NCKAP1L: variants seen among roughly 807,000 people sequenced by gnomAD.
NCKAP1L encodes the protein NCK associated protein 1 like, also known as nck-associated protein 1-like.
In NCKAP1L, 53 loss-of-function variants were observed where a neutral mutation model predicts 139.2. That is an observed-to-expected ratio of 0.38 (90% CI 0.31 to 0.48). The LOEUF (loss-of-function observed/expected upper bound fraction) is 0.48, where lower values mean the gene tolerates loss of function less well. NCKAP1L is among the 20% of genes least tolerant of loss of function. NCKAP1L has a pLI of 0.98. For synonymous variants in NCKAP1L, 468 were observed against 499.7 expected (o/e 0.94, Z 0.85); for missense variants, 1,151 against 1,381.9 (o/e 0.83, Z 2.65).
In NCKAP1L at chr12:54,499,335, T is replaced by C. The variant is rs939057142; in HGVS notation, c.103-20T>C. The stretch of plus-strand genomic sequence containing the variant: ...AGGAGGAGGAGAAAGGGTTGAAATA[T>C]ATATGGTTTCTCTCTGCAGACTTGT... On this transcript the variant is annotated intron_variant, in intron 1 of 30. Coordinates refer to ENST00000293373, the MANE Select transcript of NCKAP1L (RefSeq NM_005337.5). The C allele has an allele frequency of 2.3e-6, 3 of 1,307,724 alleles. No individual in the cohort carries two copies. The highest frequency in any genetic ancestry group is 3.3e-6 in the Non-Finnish European group (3 of 901,180). The allele number at this position is 1,307,724 out of a possible 1,614,324, so 81.0% of individuals were successfully genotyped here.
chr12:54,520,864 G>T, intron 17 of NCKAP1L, 38 bp downstream of exon 17: 1 of 1,613,292 alleles, frequency 6.2e-7, no homozygotes, highest in Non-Finnish European at 8.5e-7. Context: ...CATCTTTCTA[G>T]TCATCATCCT....
At chr12:54,518,023 A>C in intron 13 of NCKAP1L, 85 bp downstream of exon 13, 7 of 1,524,576 alleles carry the variant, frequency 4.6e-6, no homozygotes, top group African/African-American at 2.7e-5. Context: ...GCTGAATCTC[A>C]TGCTCTGTAA....
In NCKAP1L at chr12:54,523,794, A is replaced by G. The variant is rs1193100024; in HGVS notation, c.2025-31A>G. On this transcript the variant is annotated intron_variant, in intron 19 of 30. Coordinates refer to ENST00000293373, the MANE Select transcript of NCKAP1L (RefSeq NM_005337.5). ...CCTAGACATTAGCAGGCAGTGCCAG[A>G]CCTGTAATCCAGGCTCATTTTCCTT... is the stretch of plus-strand genomic sequence containing the variant. The G allele has an allele frequency of 1.9e-6, 3 of 1,603,574 alleles. No homozygotes were observed. In the African/African-American group the frequency reaches 4.0e-5, roughly 21 times the overall value.
chr12:54,510,071 T>C, intron 7 of NCKAP1L, 86 bp downstream of exon 7: 2 of 1,514,866 alleles, frequency 1.3e-6, no homozygotes, highest in Non-Finnish European at 1.8e-6. Flanking sequence ...TCAGGAAATA[T>C]CAGTACTAAA....
intron 26 of NCKAP1L, 66 bp from the exon 27 acceptor site, chr12:54,535,038 G>A (rs910625644): frequency 7.0e-6 from 9 of 1,276,788 alleles, no homozygotes; most frequent in Non-Finnish European, 1.0e-5. Flanking sequence ...TCCTGGCTAT[G>A]CATTCCTTCT....
intron 13 of NCKAP1L, among the ~76,000 whole-genome samples, chr12:54,518,357 C>T (rs1481473737): frequency 6.6e-6 from 1 of 151,774 alleles, no homozygotes; most frequent in African/African-American, 2.4e-5. Flanking sequence ...AAAAAAGGTC[C>T]AATCTGCCCC....
intron 2 of NCKAP1L, 105 bp from the exon 3 acceptor site, chr12:54,500,428 C>A: frequency 3.7e-6 from 3 of 814,500 alleles, no homozygotes; most frequent in Middle Eastern, 2.4e-4. Flanking sequence ...CCGGCCTCAA[C>A]CCTCTTTAAG....
In NCKAP1L at chr12:54,509,920, A is replaced by G; in HGVS notation, c.670A>G (p.Ser224Gly). 1.2e-6 allele frequency: 2 copies of G among 1,614,232 alleles called. No individual in the cohort carries two copies. Among genetic ancestry groups the G allele is most frequent in the Non-Finnish European group, 8.5e-7 (1 of 1,180,038 alleles). Reference sequence around the variant, plus strand: ...AAACCAGGGGGCTGAGCAGTGGCGCAGTGCCCAACTTCTAAGCCTCATCAG... The same window carrying G: ...AAACCAGGGGGCTGAGCAGTGGCGCGGTGCCCAACTTCTAAGCCTCATCAG... ...RRNQGAEQWR[S>G]AQLLSLISNP... Residue 224 changes from serine to glycine, a missense_variant, in exon 7 of 31, where the codon AGT becomes GGT. Coordinates refer to ENST00000293373, the MANE Select transcript of NCKAP1L (RefSeq NM_005337.5).
At chr12:54,507,438 T>C (rs993816429) in intron 3 of NCKAP1L, among the ~76,000 whole-genome samples, 63 of 152,344 alleles carry the variant, frequency 4.1e-4, no homozygotes, top group African/African-American at 1.5e-3. Flanking sequence ...CGTTTGTTAA[T>C]AATTAACTCC....
At chr12:54,532,542 T>C (rs569908497) in intron 26 of NCKAP1L, among the ~76,000 whole-genome samples, 1 of 152,268 alleles carries the variant, frequency 6.6e-6, no homozygotes. Context: ...TCACCTGATA[T>C]GAGCACTGTG....
At chr12:54,513,771 A>G (rs1057009636) in intron 9 of NCKAP1L, among the ~76,000 whole-genome samples, 1 of 152,206 alleles carries the variant, frequency 6.6e-6, no homozygotes, top group African/African-American at 2.4e-5. Flanking sequence ...GGAATTTAAT[A>G]AACAGCTCTT....
intron 29 of NCKAP1L, 58 bp from the exon 30 acceptor site, chr12:54,538,826 T>C: frequency 7.7e-7 from 1 of 1,291,590 alleles, no homozygotes. Flanking sequence ...TCCTGCAGCC[T>C]GAGGCCATTT....
intron 9 of NCKAP1L, among the ~76,000 whole-genome samples, chr12:54,513,874 T>C (rs529772521): frequency 2.0e-5 from 3 of 152,302 alleles, no homozygotes; most frequent in Non-Finnish European, 2.9e-5. Flanking sequence ...ATTTTTTTTC[T>C]GGTTGCAAAT....
At chr12:54,532,107 C>G in intron 25 of NCKAP1L, 63 bp from the exon 26 acceptor site, 1 of 998,622 alleles carries the variant, frequency 1.0e-6, no homozygotes, top group Non-Finnish European at 1.4e-6. Flanking sequence ...TTTTTTATTT[C>G]TACCTATTTT....
At chr12:54,523,980 G>C in intron 20 of NCKAP1L, 24 bp downstream of exon 20, 1 of 1,608,510 alleles carries the variant, frequency 6.2e-7, no homozygotes. Flanking sequence ...CTTGTCCTCT[G>C]TTTGGACAGT....
intron 3 of NCKAP1L, 69 bp downstream of exon 3, chr12:54,500,694 A>G: frequency 2.0e-6 from 2 of 993,836 alleles, no homozygotes; most frequent in Admixed American, 3.8e-5. Flanking sequence ...TTAGATGTTC[A>G]TGTATTTGCT....
At chr12:54,507,325 T>C (rs551881132) in intron 3 of NCKAP1L, among the ~76,000 whole-genome samples, 1 of 152,294 alleles carries the variant, frequency 6.6e-6, no homozygotes, top group South Asian at 2.1e-4. Context: ...CCTATCATAC[T>C]AGAATGAGAG....
chr12:54,502,884 G>A (rs1334841859), intron 3 of NCKAP1L, among the ~76,000 whole-genome samples: 1 of 147,126 alleles, frequency 6.8e-6, no homozygotes, highest in Non-Finnish European at 1.5e-5. Flanking sequence ...TGTAGTCCCA[G>A]CTGCTTAGGA....
intron 13 of NCKAP1L, among the ~76,000 whole-genome samples, chr12:54,518,411 C>T (rs981675278): frequency 2.0e-5 from 3 of 151,974 alleles, no homozygotes; most frequent in Admixed American, 2.0e-4. Flanking sequence ...TAATCTCAGC[C>T]GTCTTTTTTT....
Sources: gnomAD v4.1 joint callset for allele counts (sites outside exome capture counted in the v4.1 genomes callset) on GRCh38, gnomAD v4.1.1 for gene constraint, MANE v1.5 for transcripts, NCBI Gene and HGNC (gene_info 2026-07-23, HGNC 2026-07-21) for gene names.